The following MACROD2 variants were observed in gnomAD, a reference collection of about 807,000 sequenced individuals.
MACROD2 encodes the protein ADP-ribose glycohydrolase MACROD2.
Under a neutral mutation model 70.4 loss-of-function variants are expected in MACROD2, and 36 were observed. That is an observed-to-expected ratio of 0.51 (90% confidence interval 0.39 to 0.68). The LOEUF (loss-of-function observed/expected upper bound fraction) is 0.68, where lower values mean the gene tolerates loss of function less well. Among genes scored for constraint, MACROD2 ranks in the 30% least tolerant of loss-of-function variants. MACROD2 has a pLI of 0.00. For synonymous variants in MACROD2, 172 were observed against 178.8 expected (o/e 0.96, Z 0.30); for missense variants, 496 against 538.4 (o/e 0.92, Z 0.78).
chr20:14,733,986 T>C (rs2071628052), intron 5 of MACROD2, among the ~76,000 whole-genome samples: 1 of 152,182 alleles, frequency 6.6e-6, no homozygotes, highest in Non-Finnish European at 1.5e-5. Flanking sequence ...ACAGGACTTT[T>C]GTTAGAAAAT....
At chr20:15,318,239 T>C (rs982389015) in intron 6 of MACROD2, among the ~76,000 whole-genome samples, 4 of 152,096 alleles carry the variant, frequency 2.6e-5, no homozygotes, top group Non-Finnish European at 4.4e-5. Flanking sequence ...ATGGATGAAA[T>C]TGACAATTCT....
At chr20:14,259,667 A>C (rs1181923560) in intron 3 of MACROD2, among the ~76,000 whole-genome samples, 1 of 152,212 alleles carries the variant, frequency 6.6e-6, no homozygotes, top group Non-Finnish European at 1.5e-5. Flanking sequence ...CCTTTTCTTC[A>C]GGGAGCTGCT....
intron 8 of MACROD2, among the ~76,000 whole-genome samples, chr20:15,584,461 T>C (rs1419566001): frequency 1.3e-5 from 2 of 152,060 alleles, no homozygotes; most frequent in Non-Finnish European, 2.9e-5. Flanking sequence ...TGAGATGTAA[T>C]CTCAAACCAG....
At chr20:15,113,089 A>T (rs2123226476) in intron 5 of MACROD2, among the ~76,000 whole-genome samples, 1 of 152,252 alleles carries the variant, frequency 6.6e-6, no homozygotes, top group South Asian at 2.1e-4. Context: ...GAGTGTACAG[A>T]TATCTGTTTG....
intron 15 of MACROD2, among the ~76,000 whole-genome samples, chr20:16,000,272 T>C (rs1458672170): frequency 1.3e-5 from 2 of 152,338 alleles, no homozygotes; most frequent in East Asian, 3.9e-4. Context: ...CACAGACATA[T>C]ACGCATCCAC....
chr20:14,652,248 G>A (rs1419799666), intron 4 of MACROD2, among the ~76,000 whole-genome samples: 2 of 152,132 alleles, frequency 1.3e-5, no homozygotes, highest in Non-Finnish European at 2.9e-5. Context: ...TGTAAGCTGT[G>A]ACTTTCAGTG....
At chr20:14,660,190 C>T (rs1986158758) in intron 4 of MACROD2, among the ~76,000 whole-genome samples, 1 of 152,196 alleles carries the variant, frequency 6.6e-6, no homozygotes, top group South Asian at 2.1e-4. Flanking sequence ...ATTTAGATGT[C>T]ATACTTTGTT....
At chr20:14,249,139 T>G (rs1352990153) in intron 3 of MACROD2, among the ~76,000 whole-genome samples, 2 of 149,822 alleles carry the variant, frequency 1.3e-5, no homozygotes, top group Non-Finnish European at 3.0e-5. Flanking sequence ...TTTTTTTTTT[T>G]TTTTTTTTTT....
intron 4 of MACROD2, among the ~76,000 whole-genome samples, chr20:14,530,323 C>G (rs2085287374): frequency 6.6e-6 from 1 of 152,166 alleles, no homozygotes; most frequent in Non-Finnish European, 1.5e-5. Flanking sequence ...ACAACTGCCA[C>G]ATTCCTTTAT....
At chr20:14,847,143 A>G (rs1186135928) in intron 5 of MACROD2, among the ~76,000 whole-genome samples, 3 of 152,198 alleles carry the variant, frequency 2.0e-5, no homozygotes, top group Non-Finnish European at 4.4e-5. Flanking sequence ...AAAAAAGAGT[A>G]AAACTACTTC....
At chr20:14,851,551 T>G (rs1285558297) in intron 5 of MACROD2, among the ~76,000 whole-genome samples, 1 of 152,144 alleles carries the variant, frequency 6.6e-6, no homozygotes, top group Non-Finnish European at 1.5e-5. Context: ...CAACCAACAT[T>G]TATTTAGAGT....
At chr20:14,421,182 T>G (rs900598913) in intron 3 of MACROD2, among the ~76,000 whole-genome samples, 1 of 152,244 alleles carries the variant, frequency 6.6e-6, no homozygotes, top group Non-Finnish European at 1.5e-5. Flanking sequence ...TTTCTTTTCT[T>G]GTAGCGTCTT....
intron 7 of MACROD2, among the ~76,000 whole-genome samples, chr20:15,487,838 C>T (rs560075828): frequency 1.3e-5 from 2 of 152,262 alleles, no homozygotes; most frequent in Admixed American, 1.3e-4. Context: ...AGAGCAAAAG[C>T]CAATAGTCAG....
At chr20:15,913,883 T>A (rs2065272229) in intron 10 of MACROD2, among the ~76,000 whole-genome samples, 1 of 152,228 alleles carries the variant, frequency 6.6e-6, no homozygotes, top group Admixed American at 6.5e-5. Flanking sequence ...CAGTAAATAT[T>A]TGTGGGTGGC....
At chr20:14,321,814 G>A (rs1349254568) in intron 3 of MACROD2, among the ~76,000 whole-genome samples, 8 of 151,938 alleles carry the variant, frequency 5.3e-5, no homozygotes, top group Admixed American at 3.9e-4. Flanking sequence ...TTAATAAATC[G>A]GCCTTCCTGT....
At chr20:16,016,855 A>G (rs2066936628) in intron 15 of MACROD2, among the ~76,000 whole-genome samples, 1 of 152,194 alleles carries the variant, frequency 6.6e-6, no homozygotes, top group African/African-American at 2.4e-5. Context: ...GTCAGATTCA[A>G]AATTGTGCAG....
At chr20:15,447,961 T>C (rs2046591664) in intron 7 of MACROD2, among the ~76,000 whole-genome samples, 1 of 152,014 alleles carries the variant, frequency 6.6e-6, no homozygotes, top group Non-Finnish European at 1.5e-5. Context: ...CCATGACATT[T>C]TTCCTCCAGT....
rs2052873682 is a variant in MACROD2, at chr20:14,009,728, A to G, written c.163+7324A>G. 3.3e-5 allele frequency among the ~76,000 whole-genome samples: 5 copies of G among 152,254 alleles called. No homozygotes were observed. In the South Asian group the frequency reaches 1.0e-3, roughly 32 times the overall value. ...AGACATAGACTCAACCTAAATGCCC[A>G]CCAATGATAGACTGGATAAAGAAAA... On this transcript the variant is annotated intron_variant, in intron 2 of 17. Coordinates refer to ENST00000684519, the MANE Select transcript of MACROD2 (RefSeq NM_001351661.2).
At chr20:16,023,418 G>A (rs1644824373) in intron 15 of MACROD2, among the ~76,000 whole-genome samples, 1 of 141,164 alleles carries the variant, frequency 7.1e-6, no homozygotes, top group South Asian at 2.3e-4. Flanking sequence ...AGCTTGCAGT[G>A]AGCTGAGATC....
Sources: allele counts gnomAD v4.1 joint callset (sites outside exome capture counted in the v4.1 genomes callset), GRCh38; gene constraint gnomAD v4.1.1; transcripts MANE v1.5; gene names NCBI Gene and HGNC (gene_info 2026-07-23, HGNC 2026-07-21).